DDX10: variants seen among roughly 807,000 people sequenced by gnomAD.
DDX10 encodes the protein probable ATP-dependent RNA helicase DDX10.
DDX10 carries 74 observed loss-of-function variants against 104.3 expected under a neutral mutation model. The ratio of observed to expected loss-of-function variants is 0.71; its 90% CI spans 0.59 to 0.86. DDX10 has a LOEUF of 0.86. Among genes scored for constraint, DDX10 ranks in the 40% least tolerant of loss-of-function variants. DDX10 has a pLI of 0.00. For missense variants in DDX10, 952 were observed against 1,040.0 expected (o/e 0.92, Z 1.16); for synonymous variants, 351 against 353.4 (o/e 0.99, Z 0.08).
intron 13 of DDX10, among the ~76,000 whole-genome samples, chr11:108,824,199 C>T (rs570994628): frequency 6.6e-6 from 1 of 152,160 alleles, no homozygotes; most frequent in African/African-American, 2.4e-5. Flanking sequence ...CTCACCACCA[C>T]GCATGGCTAA....
At chr11:108,867,669 G>C (rs1184983565) in intron 16 of DDX10, among the ~76,000 whole-genome samples, 1 of 152,136 alleles carries the variant, frequency 6.6e-6, no homozygotes, top group Non-Finnish European at 1.5e-5. Context: ...GGTTTTGTGA[G>C]TTATAACACT....
chr11:108,839,982 G>A (rs778079434), intron 14 of DDX10, among the ~76,000 whole-genome samples: 5 of 152,126 alleles, frequency 3.3e-5, no homozygotes, highest in Non-Finnish European at 7.3e-5. Flanking sequence ...TGTGTACTTA[G>A]TGCTAATAGG....
intron 17 of DDX10, chr11:108,920,133 A>G (rs1025269376): frequency 1.3e-5 from 2 of 152,144 alleles, no homozygotes; most frequent in Admixed American, 6.5e-5. Flanking sequence ...TCCTAATATT[A>G]ATAGGTTAAA....
At chr11:108,808,490 G>T (rs1189953207) in intron 13 of DDX10, among the ~76,000 whole-genome samples, 1 of 152,130 alleles carries the variant, frequency 6.6e-6, no homozygotes, top group Non-Finnish European at 1.5e-5. Context: ...GTACCATAAA[G>T]ATGTTGGCCT....
At chr11:108,671,135 T>C (rs923520334) in intron 1 of DDX10, among the ~76,000 whole-genome samples, 2 of 152,120 alleles carry the variant, frequency 1.3e-5, no homozygotes, top group African/African-American at 4.8e-5. Context: ...AAGTGATTTT[T>C]CCCCCCTAAG....
At chr11:108,772,365 G>C (rs1018814231) in intron 13 of DDX10, among the ~76,000 whole-genome samples, 5 of 152,236 alleles carry the variant, frequency 3.3e-5, no homozygotes, top group Non-Finnish European at 7.3e-5. Flanking sequence ...ATGGGAGAGA[G>C]ACACACAGGG....
intron 13 of DDX10, among the ~76,000 whole-genome samples, chr11:108,744,034 G>C (rs1483292535): frequency 6.6e-6 from 1 of 152,056 alleles, no homozygotes; most frequent in Admixed American, 6.5e-5. Context: ...ATCTGTGCTG[G>C]GTTTATATGT....
chr11:108,732,176 A>G (rs2094313143), intron 13 of DDX10, among the ~76,000 whole-genome samples: 1 of 152,180 alleles, frequency 6.6e-6, no homozygotes, highest in South Asian at 2.1e-4. Context: ...TAAGACCATA[A>G]TTATTTGGCA....
intron 17 of DDX10, among the ~76,000 whole-genome samples, chr11:108,923,110 A>G (rs1863856060): frequency 6.6e-6 from 1 of 152,196 alleles, no homozygotes; most frequent in Admixed American, 6.5e-5. Flanking sequence ...GGTAGAATTA[A>G]TAGATGTTAG....
intron 15 of DDX10, among the ~76,000 whole-genome samples, chr11:108,847,022 T>A (rs1158378137): frequency 6.6e-6 from 1 of 152,236 alleles, no homozygotes; most frequent in Non-Finnish European, 1.5e-5. Context: ...CGCTTTCTTA[T>A]GAGACCACCC....
intron 13 of DDX10, among the ~76,000 whole-genome samples, chr11:108,781,051 C>T (rs531461118): frequency 1.9e-3 from 290 of 152,166 alleles, no homozygotes; most frequent in Non-Finnish European, 3.3e-3. Flanking sequence ...TCAATCCACA[C>T]CCTTTTCACT....
chr11:108,687,647 A>G (rs976406182), intron 6 of DDX10, among the ~76,000 whole-genome samples: 1 of 152,034 alleles, frequency 6.6e-6, no homozygotes, highest in Non-Finnish European at 1.5e-5. Context: ...TTATTGTTGA[A>G]TTTTAAGAGT....
chr11:108,813,857 G>A (rs1862220260), intron 13 of DDX10, among the ~76,000 whole-genome samples: 1 of 152,030 alleles, frequency 6.6e-6, no homozygotes, highest in Admixed American at 6.6e-5. Flanking sequence ...ACCTTTATCT[G>A]AAAACCTTAT....
chr11:108,749,426 A>G (rs1008251016), intron 13 of DDX10, among the ~76,000 whole-genome samples: 1 of 152,146 alleles, frequency 6.6e-6, no homozygotes, highest in African/African-American at 2.4e-5. Context: ...ACAAGATGGT[A>G]TGTTTTATCA....
intron 14 of DDX10, 118 bp downstream of exon 14, chr11:108,838,683 C>A: frequency 1.7e-6 from 2 of 1,164,494 alleles, no homozygotes; most frequent in Non-Finnish European, 1.2e-6. Flanking sequence ...GCATGCTGGG[C>A]CATTCCTTTC....
chr11:108,735,867 G>A (rs1359829193), intron 13 of DDX10, among the ~76,000 whole-genome samples: 1 of 152,160 alleles, frequency 6.6e-6, no homozygotes, highest in Admixed American at 6.6e-5. Context: ...GGTTAGAGCA[G>A]TGGCACTTCA....
intron 13 of DDX10, among the ~76,000 whole-genome samples, chr11:108,768,212 C>T (rs1365695877): frequency 6.6e-6 from 1 of 152,028 alleles, no homozygotes; most frequent in African/African-American, 2.4e-5. Flanking sequence ...TGACTGCCTG[C>T]CTGGGGTGGT....
At chr11:108,936,884 A>G (rs1227220374) in intron 17 of DDX10, among the ~76,000 whole-genome samples, 1 of 152,220 alleles carries the variant, frequency 6.6e-6, no homozygotes, top group African/African-American at 2.4e-5. Context: ...AATGCCCTCA[A>G]GAAAGATTGT....
intron 16 of DDX10, among the ~76,000 whole-genome samples, chr11:108,909,896 A>G (rs938852603): frequency 1.3e-5 from 2 of 152,206 alleles, no homozygotes; most frequent in African/African-American, 4.8e-5. Context: ...CTTGAGGTGG[A>G]AAGAGGCTTG....
Sources: allele counts gnomAD v4.1 joint callset (sites outside exome capture counted in the v4.1 genomes callset), GRCh38; gene constraint gnomAD v4.1.1; transcripts MANE v1.5; gene names NCBI Gene and HGNC (gene_info 2026-07-23, HGNC 2026-07-21).